The following CREBZF variants were observed in gnomAD, a reference collection of about 807,000 sequenced individuals.
CREBZF encodes CREB/ATF bZIP transcription factor.
A neutral mutation model predicts 21.1 loss-of-function variants in CREBZF; 8 were observed. The observed-to-expected ratio is 0.38, with a 90% CI of 0.22 to 0.68. CREBZF has a LOEUF of 0.68. Among genes scored for constraint, CREBZF ranks in the 30% least tolerant of loss-of-function variants. CREBZF has a pLI of 0.51. For synonymous variants in CREBZF, 270 were observed against 223.3 expected (o/e 1.21, Z -1.86); for missense variants, 518 against 484.3 (o/e 1.07, Z -0.65).
chr11:85,660,522 A>T lies in CREBZF; in HGVS notation c.*3289T>A. ...CAAATTTTTGACCGACATGGTTCTC[A>T]CAATTACTTTGTTACCAACAGTCCA... is the stretch of plus-strand genomic sequence containing the variant. On this transcript the variant is annotated 3_prime_UTR_variant, in exon 1 of 1. Coordinates refer to ENST00000527447, the MANE Select transcript of CREBZF (RefSeq NM_001039618.4). The T allele has an allele frequency of 2.4e-6, 1 of 425,062 alleles. No homozygotes were observed. Among genetic ancestry groups the T allele is most frequent in the South Asian group, 1.7e-5 (1 of 58,456 alleles). 26.3% of individuals were successfully genotyped at this position (425,062 alleles called of 1,614,324 possible).
At chr11:85,680,987 C>T (rs561384859) in intron 1 of CREBZF, among the ~76,000 whole-genome samples, 2 of 152,242 alleles carry the variant, frequency 1.3e-5, no homozygotes, top group African/African-American at 2.4e-5. Flanking sequence ...TCATTCCCAT[C>T]TCAGGGTGGA....
At chr11:85,668,386 C>G (rs1004785232), upstream of CREBZF, among the ~76,000 whole-genome samples, 3 of 152,214 alleles carry the variant, frequency 2.0e-5, no homozygotes, top group South Asian at 6.2e-4. Context: ...TTCTTCCGTT[C>G]TATTTCTAAA....
intron 1 of CREBZF, among the ~76,000 whole-genome samples, chr11:85,674,078 C>G (rs2082928790): frequency 6.6e-6 from 1 of 152,184 alleles, no homozygotes; most frequent in African/African-American, 2.4e-5. Flanking sequence ...GGATGGAATC[C>G]TCTTCCAAAC....
intron 1 of CREBZF, among the ~76,000 whole-genome samples, chr11:85,673,118 GA>G (rs1229119631): frequency 6.6e-6 from 1 of 152,128 alleles, no homozygotes; most frequent in Non-Finnish European, 1.5e-5. Flanking sequence ...TTGCAACACA[GA>G]AAAGCACATT....
At chr11:85,671,547 A>G (rs945985355) in intron 1 of CREBZF, among the ~76,000 whole-genome samples, 9 of 152,222 alleles carry the variant, frequency 5.9e-5, no homozygotes, top group Non-Finnish European at 1.2e-4. Flanking sequence ...CAAGTTAGTT[A>G]CTTCCTAGAT....
rs1331802663 is a variant in CREBZF at position 85,664,887 on chromosome 11, G to C, written c.-12C>G. 5.5e-6 allele frequency: 8 copies of C among 1,457,260 alleles called. No individual in the cohort carries two copies. Among genetic ancestry groups the C allele is most frequent in the Non-Finnish European group, 1.8e-6 (2 of 1,111,718 alleles). 90.3% of individuals were successfully genotyped at this position (1,457,260 alleles called of 1,614,324 possible). ...AGGCTATGCCTCATGAGGGCCAGCG[G>C]CGGGCCGCGGTAGGCCCCGGCCGCT... On this transcript the variant is annotated 5_prime_UTR_variant, in exon 1 of 1. Transcript: ENST00000527447. This position sits in a 1 kb window ranked among gnomAD's most constrained non-coding sequence, Gnocchi z 5.5.
At position 85,663,688 on chromosome 11, in the gene CREBZF, TC is replaced by T. The variant is rs2082754961; in HGVS notation, c.*122del. ...TGCTTTTAGCTAAACACTTTAAGATTCAATATTACTTTTTTTCTCTCCTCTG... is the reference window on the plus strand; with the variant it reads ...TGCTTTTAGCTAAACACTTTAAGATTAATATTACTTTTTTTCTCTCCTCTG... On this transcript the variant is annotated 3_prime_UTR_variant, in exon 1 of 1. Coordinates refer to ENST00000527447, the MANE Select transcript of CREBZF (RefSeq NM_001039618.4). 3 of 1,609,298 alleles carry T rather than the reference TC, an allele frequency of 1.9e-6. No homozygotes were observed. The South Asian group carries it at 3.3e-5, about 18-fold the overall frequency.
chr11:85,670,278 C>A lies in CREBZF; in HGVS notation n.148-6677G>T, dbSNP rs1352411330. Among the ~76,000 whole-genome samples, 22 of 119,926 alleles carry A rather than the reference C, an allele frequency of 1.8e-4. 1 individual carries two copies. The highest frequency in any genetic ancestry group is 3.3e-4 in the South Asian group (1 of 3,026). The allele number at this position is 119,926 out of a possible 152,430, so 78.7% of individuals were successfully genotyped here. A position where few individuals can be genotyped will look rare whatever the true frequency, so the allele number is the denominator to read the frequency against. ...TCCCCCTAACACTTTAATCCCCCCCCCCCACAATAAGATCTCAAGTTCTTT... is the reference window on the plus strand; with the variant it reads ...TCCCCCTAACACTTTAATCCCCCCCACCCACAATAAGATCTCAAGTTCTTT... On this transcript the variant is annotated intron_variant and non_coding_transcript_variant, in intron 1 of 3. Coordinates refer to the CREBZF transcript ENST00000531515.
rs946435594 is a variant in CREBZF, at chr11:85,676,472, G to T, written n.147+6245C>A. Reference sequence around the variant, plus strand: ...ACTCTGACACAAAATGAGGAGAATAGTACACAGAATCCTTATAGACCCATC... The same window carrying T: ...ACTCTGACACAAAATGAGGAGAATATTACACAGAATCCTTATAGACCCATC... On this transcript the variant is annotated intron_variant and non_coding_transcript_variant, in intron 1 of 3. Coordinates refer to the CREBZF transcript ENST00000531515. 5.9e-5 allele frequency among the ~76,000 whole-genome samples: 9 copies of T among 152,236 alleles called. No individual in the cohort carries two copies. The East Asian group carries it at 1.5e-3, about 26-fold the overall frequency.
At chr11:85,672,106 C>T (rs2082915364) in intron 1 of CREBZF, among the ~76,000 whole-genome samples, 1 of 152,250 alleles carries the variant, frequency 6.6e-6, no homozygotes, top group African/African-American at 2.4e-5. Context: ...TTCTGTGCAC[C>T]CACAGGCTCA....
Position 85,664,371 on chromosome 11 carries a change from C to T in CREBZF, c.505G>A (p.Gly169Ser), listed in dbSNP as rs761641899. Reference sequence around the variant, plus strand: ...CTGCTGCTGCTGCAGCCTCCGATACCGTTTAACAGCCTTTGCAGCAGGTCA... The same window carrying T: ...CTGCTGCTGCTGCAGCCTCCGATACTGTTTAACAGCCTTTGCAGCAGGTCA... ...FSDLLQRLLNGIGGCSSSSDS... is the reference protein window; with the variant it reads ...FSDLLQRLLNSIGGCSSSSDS... The change falls in exon 1 of 1, where the codon GGT becomes AGT. Residue 169 changes from glycine to serine, a missense_variant. Physicochemically the swap from Gly to Ser is moderately conservative, Grantham distance 56 (BLOSUM62 0). This residue lies in a region of CREBZF where 396 missense variants were observed against 324.4 expected (regional missense o/e 1.22). Coordinates refer to ENST00000527447, the MANE Select transcript of CREBZF (RefSeq NM_001039618.4). The surrounding 1 kb of genome is among the most constrained non-coding windows in gnomAD (Gnocchi z 5.5). 4 of 1,613,750 alleles carry T rather than the reference C, an allele frequency of 2.5e-6. No individual in the cohort carries two copies. The highest frequency in any genetic ancestry group is 3.4e-6 in the Non-Finnish European group (4 of 1,179,998).
chr11:85,675,167 A>T (rs1303740969), intron 1 of CREBZF, among the ~76,000 whole-genome samples: 4 of 152,180 alleles, frequency 2.6e-5, no homozygotes, highest in Non-Finnish European at 5.9e-5. Context: ...AATTTCCTTC[A>T]AATTTTTTTT....
In CREBZF at chr11:85,660,105, G is replaced by A. The variant is rs148456519; in HGVS notation, c.*3706C>T. The A allele has an allele frequency of 6.5e-6, 1 of 153,662 alleles. No homozygotes were observed. The highest frequency in any genetic ancestry group is 2.4e-5 in the African/African-American group (1 of 41,560). The allele number at this position is 153,662 out of a possible 1,614,324, so 9.5% of individuals were successfully genotyped here. A position where few individuals can be genotyped will look rare whatever the true frequency, so the allele number is the denominator to read the frequency against. ...TTATATTCTACTCAGCAGGGTGTCT[G>A]TCTGTACTCCAAATTAGCTCTCATG... is the stretch of plus-strand genomic sequence containing the variant. On this transcript the variant is annotated 3_prime_UTR_variant, in exon 1 of 1. Coordinates refer to ENST00000527447, the MANE Select transcript of CREBZF (RefSeq NM_001039618.4).
At chr11:85,676,511 A>G (rs2082943595) in intron 1 of CREBZF, among the ~76,000 whole-genome samples, 2 of 152,208 alleles carry the variant, frequency 1.3e-5, no homozygotes, top group South Asian at 4.1e-4. Flanking sequence ...CAGATTTAAC[A>G]TTATCAAGAT....
At position 85,663,591 on chromosome 11, in the gene CREBZF, TA is replaced by T; in HGVS notation, c.*219del. 1 of 1,549,242 alleles carries T rather than the reference TA, an allele frequency of 6.5e-7. No individual in the cohort carries two copies. Among genetic ancestry groups the T allele is most frequent in the Non-Finnish European group, 8.7e-7 (1 of 1,144,948 alleles). On this transcript the variant is annotated 3_prime_UTR_variant, in exon 1 of 1. Transcript: ENST00000527447. ...GGAGCCTGGCAGGAAGGAAATCACCTAAAAAAGAAACTGTCAGAGAGATTTA... is the reference window on the plus strand; with the variant it reads ...GGAGCCTGGCAGGAAGGAAATCACCTAAAAAGAAACTGTCAGAGAGATTTA...
At chr11:85,677,514 G>T (rs569757778) in intron 1 of CREBZF, among the ~76,000 whole-genome samples, 11 of 152,054 alleles carry the variant, frequency 7.2e-5, no homozygotes, top group African/African-American at 2.7e-4. Context: ...CAGGTCAATT[G>T]TCCTATTGAA....
Position 85,664,845 on chromosome 11 carries a change from C to G in CREBZF, c.31G>C (p.Ala11Pro), listed in dbSNP as rs1387147103. MRHSLTKLLAASGSNSPTRSE... is the reference protein window; with the variant it reads MRHSLTKLLAPSGSNSPTRSE... ...CGGGTTGGGGAGTTGCTGCCCGAGGCTGCCAGCAGCTTGGTCAGGCTATGC... is the reference window on the plus strand; with the variant it reads ...CGGGTTGGGGAGTTGCTGCCCGAGGGTGCCAGCAGCTTGGTCAGGCTATGC... Residue 11 changes from alanine to proline, a missense_variant, in exon 1 of 1, where the codon GCC becomes CCC. By Grantham distance (27) the Ala-to-Pro change is conservative. Coordinates refer to ENST00000527447, the MANE Select transcript of CREBZF (RefSeq NM_001039618.4). The surrounding 1 kb of genome is among the most constrained non-coding windows in gnomAD (Gnocchi z 5.5). The G allele has an allele frequency of 2.0e-6, 3 of 1,525,900 alleles. No individual in the cohort carries two copies. The highest frequency in any genetic ancestry group is 2.6e-6 in the Non-Finnish European group (3 of 1,142,174). 94.5% of individuals were successfully genotyped at this position (1,525,900 alleles called of 1,614,324 possible). A position where few individuals can be genotyped will look rare whatever the true frequency, so the allele number is the denominator to read the frequency against.
chr11:85,658,234 A>G lies in CREBZF; in HGVS notation c.*5577T>C, dbSNP rs2082572391. Among the ~76,000 whole-genome samples, 1 of 152,014 alleles carries G rather than the reference A, an allele frequency of 6.6e-6. No homozygotes were observed. Among genetic ancestry groups the G allele is most frequent in the Non-Finnish European group, 1.5e-5 (1 of 67,862 alleles). ...CTTAGATAATTCAAAGCCCAATGATATAACTAAGTTCTTTGACGATTGAGC... is the reference window on the plus strand; with the variant it reads ...CTTAGATAATTCAAAGCCCAATGATGTAACTAAGTTCTTTGACGATTGAGC... On this transcript the variant is annotated 3_prime_UTR_variant, in exon 1 of 1. Transcript: ENST00000527447.
chr11:85,664,961 GC>G lies in CREBZF; in HGVS notation c.-87del. The G allele has an allele frequency of 9.8e-7, 1 of 1,025,344 alleles. No individual in the cohort carries two copies. Among genetic ancestry groups the G allele is most frequent in the Non-Finnish European group, 1.3e-6 (1 of 757,696 alleles). 63.5% of individuals were successfully genotyped at this position (1,025,344 alleles called of 1,614,324 possible). ...AGGATCCCAGGCCCCAGGGCGGGTA[GC>G]CCCCGGCACTGGCCGAAACGAAATG... On this transcript the variant is annotated 5_prime_UTR_variant, in exon 1 of 1. Transcript: ENST00000527447. The surrounding 1 kb of genome is among the most constrained non-coding windows in gnomAD (Gnocchi z 5.5).
Sources: allele counts gnomAD v4.1 joint callset (sites outside exome capture counted in the v4.1 genomes callset), GRCh38; gene constraint gnomAD v4.1.1; regional missense constraint gnomAD v4.1.1; non-coding constraint Gnocchi (gnomAD v3.1); transcripts MANE v1.5; gene names NCBI Gene and HGNC (gene_info 2026-07-23, HGNC 2026-07-21).